The following MAST4 variants were observed in gnomAD, a reference collection of about 807,000 sequenced individuals.
The protein encoded by MAST4 is microtubule-associated serine/threonine-protein kinase 4.
Under a neutral mutation model 162.7 loss-of-function variants are expected in MAST4, and 89 were observed. The ratio of observed to expected loss-of-function variants is 0.55; its 90% CI spans 0.46 to 0.65. The LOEUF is 0.65. Among genes scored for constraint, MAST4 ranks in the 30% least tolerant of loss-of-function variants. The pLI, the probability that MAST4 is intolerant of heterozygous loss-of-function variation, is 0.00. For missense variants in MAST4, 3,153 were observed against 3,374.0 expected (o/e 0.93, Z 1.62); for synonymous variants, 1,479 against 1,361.1 (o/e 1.09, Z -1.91).
At chr5:67,078,927 T>TTTTTATATAAATAAATAA (rs1762221709) in intron 5 of MAST4, among the ~76,000 whole-genome samples, 1 of 84,308 alleles carries the variant, frequency 1.2e-5, no homozygotes, top group Non-Finnish European at 2.1e-5. Context: ...TATATATATA[T>TTTTTATATAAATAAATAA]ATATATATAT....
chr5:67,124,570 C>T (rs890009446), intron 14 of MAST4, among the ~76,000 whole-genome samples: 1 of 151,890 alleles, frequency 6.6e-6, no homozygotes, highest in South Asian at 2.1e-4. Flanking sequence ...ATGTAAAAAC[C>T]CAAGAACAGA....
At chr5:66,796,189 G>T (rs1179424542) in intron 3 of MAST4, among the ~76,000 whole-genome samples, 4 of 152,126 alleles carry the variant, frequency 2.6e-5, no homozygotes, top group Non-Finnish European at 5.9e-5. Context: ...TAATCCAACT[G>T]CTATCTCTGT....
At chr5:66,837,874 A>G (rs1168748329) in intron 3 of MAST4, among the ~76,000 whole-genome samples, 2 of 44,982 alleles carry the variant, frequency 4.4e-5, no homozygotes, top group East Asian at 1.8e-3. Flanking sequence ...TTATATATAT[A>G]TATATATATA....
chr5:67,016,814 A>G (rs915145717), intron 4 of MAST4, among the ~76,000 whole-genome samples: 10 of 152,218 alleles, frequency 6.6e-5, no homozygotes, highest in African/African-American at 1.9e-4. Flanking sequence ...GCACATTCAC[A>G]TAAGTGTATA....
At chr5:66,779,635 C>T (rs1754761748) in intron 2 of MAST4, among the ~76,000 whole-genome samples, 1 of 152,150 alleles carries the variant, frequency 6.6e-6, no homozygotes, top group Non-Finnish European at 1.5e-5. Context: ...CCATGTCTCT[C>T]TTGCGGGAGC....
chr5:66,688,264 A>G (rs1348056341), intron 1 of MAST4, among the ~76,000 whole-genome samples: 1 of 152,226 alleles, frequency 6.6e-6, no homozygotes, highest in Non-Finnish European at 1.5e-5. Context: ...TGGGCACATC[A>G]GTAAGGATGC....
At chr5:66,827,382 G>A (rs1400417540) in intron 3 of MAST4, among the ~76,000 whole-genome samples, 1 of 152,150 alleles carries the variant, frequency 6.6e-6, no homozygotes, top group Non-Finnish European at 1.5e-5. Flanking sequence ...CTCTGCTGGG[G>A]TGGCATTTCT....
At chr5:67,080,067 T>C (rs1581479459) in intron 5 of MAST4, among the ~76,000 whole-genome samples, 1 of 152,212 alleles carries the variant, frequency 6.6e-6, no homozygotes, top group Non-Finnish European at 1.5e-5. Context: ...TCTAACCCCT[T>C]GAGTATTCTC....
intron 1 of MAST4, among the ~76,000 whole-genome samples, chr5:66,693,202 C>T (rs958055562): frequency 6.6e-6 from 1 of 152,180 alleles, no homozygotes. Context: ...GTTTGCCTTG[C>T]TTTCAACAAG....
chr5:67,120,967 A>C (rs1277561334), intron 13 of MAST4, 50 bp from the exon 14 acceptor site: 2 of 1,291,638 alleles, frequency 1.5e-6, no homozygotes, highest in Admixed American at 4.0e-5. Context: ...CTGATAAAAT[A>C]ATTTTCTTAA....
At chr5:66,639,361 AAGGAAACATAGAAG>A (rs1328107245) in intron 1 of MAST4, among the ~76,000 whole-genome samples, 3 of 151,752 alleles carry the variant, frequency 2.0e-5, no homozygotes, top group Non-Finnish European at 2.9e-5. Context: ...TTAGTTGGAG[AAGGAAACATAGAAG>A]AGGAAACACA....
At chr5:66,610,979 A>G (rs1743253893) in intron 1 of MAST4, among the ~76,000 whole-genome samples, 1 of 152,262 alleles carries the variant, frequency 6.6e-6, no homozygotes, top group Non-Finnish European at 1.5e-5. Flanking sequence ...ATGCCAGTGA[A>G]GGCTCAGAAT....
chr5:66,843,252 G>A (rs1220391419), intron 3 of MAST4, among the ~76,000 whole-genome samples: 1 of 152,130 alleles, frequency 6.6e-6, no homozygotes, highest in African/African-American at 2.4e-5. Flanking sequence ...CACGTTAGTG[G>A]TCCTGAAACA....
chr5:66,757,339 G>T (rs929520254), intron 1 of MAST4, among the ~76,000 whole-genome samples: 2 of 152,172 alleles, frequency 1.3e-5, no homozygotes, highest in African/African-American at 2.4e-5. Context: ...CACAGGGTAG[G>T]CATCCATTCT....
chr5:66,622,910 G>C (rs1161941758), intron 1 of MAST4: 1 of 152,260 alleles, frequency 6.6e-6, no homozygotes, highest in Non-Finnish European at 1.5e-5. Context: ...GTTTGTGTGT[G>C]CCCTAATGGC....
intron 4 of MAST4, among the ~76,000 whole-genome samples, chr5:67,002,535 C>T (rs1264988001): frequency 6.6e-6 from 1 of 152,210 alleles, no homozygotes; most frequent in Non-Finnish European, 1.5e-5. Context: ...TGGTTGAAGA[C>T]TCTAGAGAGT....
At chr5:66,875,683 T>C (rs970085521) in intron 3 of MAST4, among the ~76,000 whole-genome samples, 6 of 152,236 alleles carry the variant, frequency 3.9e-5, no homozygotes, top group Admixed American at 3.9e-4. Flanking sequence ...CATTTGTAAA[T>C]AAGCAGTTAG....
intron 3 of MAST4, among the ~76,000 whole-genome samples, chr5:66,807,064 G>A (rs185500794): frequency 6.6e-6 from 1 of 152,266 alleles, no homozygotes; most frequent in African/African-American, 2.4e-5. Context: ...CATAATAGGT[G>A]CATATAGTCA....
chr5:66,959,417 G>A, intron 4 of MAST4: 1 of 713,922 alleles, frequency 1.4e-6, no homozygotes, highest in Non-Finnish European at 2.6e-6. Context: ...TGAGGTGGAG[G>A]AACATGTCTT....
Sources: allele counts gnomAD v4.1 joint callset (sites outside exome capture counted in the v4.1 genomes callset), GRCh38; gene constraint gnomAD v4.1.1; transcripts MANE v1.5; gene names NCBI Gene and HGNC (gene_info 2026-07-23, HGNC 2026-07-21).